HIPK2: variants seen among roughly 807,000 people sequenced by gnomAD.
HIPK2 encodes the protein homeodomain-interacting protein kinase 2.
HIPK2 carries 27 observed loss-of-function variants against 113.7 expected under a neutral mutation model. The ratio of observed to expected loss-of-function variants is 0.24; its 90% confidence interval spans 0.17 to 0.33. The LOEUF (loss-of-function observed/expected upper bound fraction) is 0.33, where lower values mean the gene tolerates loss of function less well. Among genes scored for constraint, HIPK2 ranks in the 10% least tolerant of loss-of-function variants. The pLI is 1.00. For missense variants in HIPK2, 1,257 were observed against 1,588.0 expected (o/e 0.79, Z 3.54); for synonymous variants, 631 against 642.2 (o/e 0.98, Z 0.26).
intron 2 of HIPK2, among the ~76,000 whole-genome samples, chr7:139,646,625 G>A (rs1236011275): frequency 6.6e-6 from 1 of 152,150 alleles, no homozygotes; most frequent in Non-Finnish European, 1.5e-5. Flanking sequence ...TCCAAGAACA[G>A]GGACTCTCCT....
At chr7:139,759,852 GA>G (rs1381125064) in intron 1 of HIPK2, among the ~76,000 whole-genome samples, 1 of 151,400 alleles carries the variant, frequency 6.6e-6, no homozygotes, top group African/African-American at 2.4e-5. Flanking sequence ...TAATAAAAAA[GA>G]AAAAAAACAA....
At chr7:139,759,409 C>T (rs912113309) in intron 1 of HIPK2, among the ~76,000 whole-genome samples, 1 of 152,110 alleles carries the variant, frequency 6.6e-6, no homozygotes, top group African/African-American at 2.4e-5. Flanking sequence ...GTATCTGTCC[C>T]TTGACTATAT....
At chr7:139,742,066 C>G (rs1402674562) in intron 1 of HIPK2, among the ~76,000 whole-genome samples, 1 of 152,226 alleles carries the variant, frequency 6.6e-6, no homozygotes, top group East Asian at 1.9e-4. Context: ...TCAGTATGAC[C>G]CTAATGCCTT....
intron 1 of HIPK2, among the ~76,000 whole-genome samples, chr7:139,736,334 T>C (rs575394574): frequency 1.2e-4 from 18 of 152,332 alleles, no homozygotes; most frequent in African/African-American, 4.3e-4. Flanking sequence ...CCTTGCTGAC[T>C]TCAAGTGGCA....
At chr7:139,768,170 C>T (rs187840068) in intron 1 of HIPK2, among the ~76,000 whole-genome samples, 3 of 152,312 alleles carry the variant, frequency 2.0e-5, no homozygotes, top group African/African-American at 4.8e-5. Context: ...CTGGGGGCCT[C>T]GCTTCACACT....
intron 12 of HIPK2, among the ~76,000 whole-genome samples, chr7:139,587,153 G>A (rs552147194): frequency 2.6e-5 from 4 of 152,088 alleles, no homozygotes; most frequent in South Asian, 2.1e-4. Flanking sequence ...CACATTCAAC[G>A]GGTGAACTAT....
intron 1 of HIPK2, among the ~76,000 whole-genome samples, chr7:139,761,239 A>T (rs1396772456): frequency 2.0e-5 from 3 of 152,224 alleles, no homozygotes; most frequent in Admixed American, 1.3e-4. Context: ...TTACAGAAAC[A>T]TTTCCCAAAA....
At chr7:139,583,726 T>C (rs531064676) in intron 13 of HIPK2, 91 bp downstream of exon 13, 3 of 1,538,912 alleles carry the variant, frequency 1.9e-6, no homozygotes, top group African/African-American at 1.4e-5. Context: ...TCTATTGTAC[T>C]AGCTCCCATA....
chr7:139,615,120 C>A (rs1799992179), intron 7 of HIPK2, among the ~76,000 whole-genome samples: 1 of 152,236 alleles, frequency 6.6e-6, no homozygotes, highest in African/African-American at 2.4e-5. Context: ...GAGGCTCTTG[C>A]AGGCCCTAAA....
intron 2 of HIPK2, among the ~76,000 whole-genome samples, chr7:139,650,600 C>A (rs544812324): frequency 5.3e-5 from 8 of 152,232 alleles, no homozygotes; most frequent in African/African-American, 1.9e-4. Context: ...GAAGTCAACA[C>A]CCTGGTGTGG....
chr7:139,644,151 C>A (rs1053957104), intron 2 of HIPK2, among the ~76,000 whole-genome samples: 1 of 152,064 alleles, frequency 6.6e-6, no homozygotes, highest in Non-Finnish European at 1.5e-5. Flanking sequence ...GCTCCAGGCT[C>A]TTTTTAAATG....
intron 1 of HIPK2, among the ~76,000 whole-genome samples, chr7:139,756,662 T>C (rs1479705838): frequency 6.6e-6 from 1 of 152,192 alleles, no homozygotes; most frequent in Non-Finnish European, 1.5e-5. Flanking sequence ...TGACTTCAGG[T>C]GATCCACCTG....
intron 7 of HIPK2, among the ~76,000 whole-genome samples, chr7:139,617,232 A>C (rs1800085297): frequency 6.6e-6 from 1 of 152,160 alleles, no homozygotes; most frequent in Non-Finnish European, 1.5e-5. Context: ...ACAAGAAAAA[A>C]CAAGTTAAAA....
chr7:139,624,568 T>C (rs1205132348), intron 6 of HIPK2, among the ~76,000 whole-genome samples: 5 of 152,238 alleles, frequency 3.3e-5, no homozygotes, highest in African/African-American at 1.2e-4. Context: ...TTAAGCATCC[T>C]GTTTTCCCAG....
At chr7:139,753,921 T>C (rs1303890498) in intron 1 of HIPK2, among the ~76,000 whole-genome samples, 1 of 152,242 alleles carries the variant, frequency 6.6e-6, no homozygotes, top group Non-Finnish European at 1.5e-5. Flanking sequence ...TACTTGGAAA[T>C]GAAGACTGGC....
At chr7:139,675,714 G>A (rs1471599067) in intron 2 of HIPK2, among the ~76,000 whole-genome samples, 1 of 152,204 alleles carries the variant, frequency 6.6e-6, no homozygotes. Flanking sequence ...GTGACCGATT[G>A]GGTGGGGTTG....
chr7:139,688,753 C>T (rs187054366), intron 2 of HIPK2, among the ~76,000 whole-genome samples: 1 of 152,166 alleles, frequency 6.6e-6, no homozygotes, highest in African/African-American at 2.4e-5. Flanking sequence ...TTTCCCTCTT[C>T]CCACCTCCCA....
intron 2 of HIPK2, among the ~76,000 whole-genome samples, chr7:139,634,934 T>TC (rs1023041996): frequency 6.6e-6 from 1 of 152,128 alleles, no homozygotes; most frequent in African/African-American, 2.4e-5. Context: ...TGCCTCAGCC[T>TC]CCCAAAGTGC....
chr7:139,630,529 G>A lies in HIPK2; in HGVS notation c.1347+636C>T, dbSNP rs1475238156. Among the ~76,000 whole-genome samples the A allele has an allele frequency of 6.6e-6, 1 of 152,160 alleles. No individual in the cohort carries two copies. Among genetic ancestry groups the A allele is most frequent in the East Asian group, 1.9e-4 (1 of 5,194 alleles). Reference sequence around the variant, plus strand: ...TCACGTGCCTCAGCTTCCTGAGTAGGTGGGATTACAGGAGCATGCCACCAC... The same window carrying A: ...TCACGTGCCTCAGCTTCCTGAGTAGATGGGATTACAGGAGCATGCCACCAC... On this transcript the variant is annotated intron_variant, in intron 4 of 14. Transcript: ENST00000406875. The surrounding 1 kb of genome is among the most constrained non-coding windows in gnomAD (Gnocchi z 4.0).
Sources: gnomAD v4.1 joint callset for allele counts (sites outside exome capture counted in the v4.1 genomes callset) on GRCh38, gnomAD v4.1.1 for gene constraint, Gnocchi (gnomAD v3.1) non-coding constraint, MANE v1.5 for transcripts, NCBI Gene and HGNC (gene_info 2026-07-23, HGNC 2026-07-21) for gene names.